The following STRN3 variants were observed in gnomAD, a reference collection of about 807,000 sequenced individuals.
The protein encoded by STRN3 is striatin 3.
A neutral mutation model predicts 95.6 loss-of-function variants in STRN3; 29 were observed. The ratio of observed to expected loss-of-function variants is 0.30; its 90% CI spans 0.23 to 0.41. The LOEUF is 0.41. Ranked by LOEUF, STRN3 falls within the 10% of genes least tolerant of loss-of-function variation. STRN3 has a pLI of 1.00. For synonymous variants in STRN3, 331 were observed against 357.6 expected (o/e 0.93, Z 0.84); for missense variants, 890 against 972.1 (o/e 0.92, Z 1.12).
intron 16 of STRN3, among the ~76,000 whole-genome samples, chr14:30,896,272 A>AT (rs1247091274): frequency 6.6e-6 from 1 of 152,372 alleles, no homozygotes; most frequent in Non-Finnish European, 1.5e-5. Context: ...GTATCTGACA[A>AT]TATCTGATAG....
At chr14:30,930,489 T>C (rs1374280744) in intron 7 of STRN3, among the ~76,000 whole-genome samples, 3 of 152,138 alleles carry the variant, frequency 2.0e-5, no homozygotes, top group African/African-American at 7.2e-5. Flanking sequence ...TACTGCGCCT[T>C]GAGTTTTTCC....
chr14:31,019,535 C>G (rs115932155), intron 1 of STRN3, among the ~76,000 whole-genome samples: 1 of 151,958 alleles, frequency 6.6e-6, no homozygotes, highest in African/African-American at 2.4e-5. Flanking sequence ...AAAGGATAAA[C>G]TGTTAAGAGG....
intron 1 of STRN3, among the ~76,000 whole-genome samples, chr14:30,976,079 CT>C (rs1242266534): frequency 6.6e-6 from 1 of 152,032 alleles, no homozygotes; most frequent in East Asian, 1.9e-4. Flanking sequence ...TCAATAATCA[CT>C]TTAAATGTGA....
At chr14:30,948,045 T>C (rs1879452370) in intron 4 of STRN3, among the ~76,000 whole-genome samples, 2 of 149,508 alleles carry the variant, frequency 1.3e-5, no homozygotes, top group African/African-American at 4.9e-5. Flanking sequence ...GAAGTAAAAA[T>C]GGAGGAGAAT....
At chr14:31,017,824 C>G (rs1475542596) in intron 1 of STRN3, among the ~76,000 whole-genome samples, 1 of 152,070 alleles carries the variant, frequency 6.6e-6, no homozygotes, top group East Asian at 1.9e-4. Context: ...CACCTGAAAT[C>G]CCAGCACTTT....
At chr14:30,946,487 T>C (rs970251197) in intron 5 of STRN3, among the ~76,000 whole-genome samples, 6 of 152,126 alleles carry the variant, frequency 3.9e-5, no homozygotes, top group Admixed American at 2.0e-4. Flanking sequence ...GAGGCTGCCA[T>C]GAGCCGACAG....
chr14:30,980,390 GTTTC>G (rs940054369), intron 1 of STRN3, among the ~76,000 whole-genome samples: 1 of 152,032 alleles, frequency 6.6e-6, no homozygotes, highest in African/African-American at 2.4e-5. Context: ...ATTCTGCAAT[GTTTC>G]TTTGTTTCTT....
intron 1 of STRN3, among the ~76,000 whole-genome samples, chr14:30,995,920 C>T (rs1882176272): frequency 6.6e-6 from 1 of 152,166 alleles, no homozygotes; most frequent in Non-Finnish European, 1.5e-5. Context: ...AAATTACCTC[C>T]ACTAAATTCA....
At chr14:30,984,897 T>C (rs190957611) in intron 1 of STRN3, among the ~76,000 whole-genome samples, 43 of 152,376 alleles carry the variant, frequency 2.8e-4, no homozygotes, top group African/African-American at 1.0e-3. Flanking sequence ...AAGTAATACA[T>C]ACTTAATGAT....
intron 5 of STRN3, among the ~76,000 whole-genome samples, chr14:30,937,057 A>G (rs1207388467): frequency 6.6e-6 from 1 of 152,142 alleles, no homozygotes; most frequent in Non-Finnish European, 1.5e-5. Flanking sequence ...ACAGTGCTTC[A>G]TGCCTGTAAT....
chr14:30,989,241 A>G (rs978568877), intron 1 of STRN3, among the ~76,000 whole-genome samples: 1 of 152,064 alleles, frequency 6.6e-6, no homozygotes, highest in Non-Finnish European at 1.5e-5. Context: ...CCCTGCCACA[A>G]ACAGATTCTG....
chr14:31,012,838 G>A (rs1321175837), intron 1 of STRN3, among the ~76,000 whole-genome samples: 1 of 151,172 alleles, frequency 6.6e-6, no homozygotes, highest in African/African-American at 2.4e-5. Flanking sequence ...AGGTTGCAGT[G>A]AGCTGAGATT....
rs1883934757 is a variant in STRN3 at position 31,026,350 on chromosome 14, G to GCTGCCGC, written c.-172_-166dup. 1.6e-6 allele frequency: 1 copy of GCTGCCGC among 617,710 alleles called. No individual in the cohort carries two copies. The allele number at this position is 617,710 out of a possible 1,614,324, so 38.3% of individuals were successfully genotyped here. The stretch of plus-strand genomic sequence containing the variant: ...CGTGGGTCAGAGCAGGGAGCTGCCG[G>GCTGCCGC]CTGCCGCCATTACAATCCCTCCTCC... On this transcript the variant is annotated 5_prime_UTR_variant, in exon 1 of 18. An upstream open reading frame in the 5' UTR loses its in-frame stop. Coordinates refer to ENST00000357479, the MANE Select transcript of STRN3 (RefSeq NM_001083893.2).
chr14:30,996,884 A>G (rs1267609663), intron 1 of STRN3, among the ~76,000 whole-genome samples: 1 of 152,124 alleles, frequency 6.6e-6, no homozygotes, highest in African/African-American at 2.4e-5. Context: ...AAAAATTGTA[A>G]TGTATCAGGT....
At chr14:30,956,751 C>T (rs1879924796) in intron 1 of STRN3, among the ~76,000 whole-genome samples, 1 of 152,168 alleles carries the variant, frequency 6.6e-6, no homozygotes, top group Non-Finnish European at 1.5e-5. Context: ...TAATTCCTAA[C>T]ATACAATTCA....
intron 3 of STRN3, 89 bp from the exon 4 acceptor site, chr14:30,951,033 A>G: frequency 9.3e-7 from 1 of 1,071,852 alleles, no homozygotes; most frequent in Non-Finnish European, 1.4e-6. Context: ...ATTCCCATAA[A>G]AACATACCTA....
rs1392165524 is a variant in STRN3, at chr14:30,968,300, A to G, written c.283-12058T>C. ...ATTATCATCTTCAAAAAAAAAAAAA[A>G]GAAAAAAGAAATTGGGGGGACAGAA... On this transcript the variant is annotated intron_variant, in intron 1 of 17. Transcript: ENST00000357479. Among the ~76,000 whole-genome samples the G allele has an allele frequency of 4.0e-5, 6 of 150,648 alleles. 1 individual carries two copies. In the South Asian group the frequency reaches 1.2e-3, roughly 31 times the overall value.
Position 31,019,535 on chromosome 14 carries a change from C to T in STRN3, c.282+6369G>A, listed in dbSNP as rs115932155. ...TTGTCTTTATGATAAAAAGGATAAA[C>T]TGTTAAGAGGGGCAATGGATGAAAC... is the stretch of plus-strand genomic sequence containing the variant. On this transcript the variant is annotated intron_variant, in intron 1 of 17. Coordinates refer to ENST00000357479, the MANE Select transcript of STRN3 (RefSeq NM_001083893.2). Among the ~76,000 whole-genome samples the T allele has an allele frequency of 1.9e-3, 289 of 152,072 alleles. 2 individuals are homozygous for T. The highest frequency in any genetic ancestry group is 6.8e-3 in the African/African-American group (284 of 41,486).
intron 1 of STRN3, among the ~76,000 whole-genome samples, chr14:31,010,515 A>G (rs1335427647): frequency 6.6e-6 from 1 of 152,094 alleles, no homozygotes; most frequent in African/African-American, 2.4e-5. Context: ...TTTTTAAAAT[A>G]AGGAAAAATG....
Sources: allele counts gnomAD v4.1 joint callset (sites outside exome capture counted in the v4.1 genomes callset), GRCh38; gene constraint gnomAD v4.1.1; transcripts MANE v1.5; gene names NCBI Gene and HGNC (gene_info 2026-07-23, HGNC 2026-07-21).